RBPMS: variants seen among roughly 807,000 people sequenced by gnomAD.
The protein encoded by RBPMS is RNA-binding protein with multiple splicing.
In RBPMS, 7 loss-of-function variants were observed where a neutral mutation model predicts 26.8. The observed-to-expected ratio is 0.26, with a 90% CI of 0.15 to 0.49. RBPMS has a LOEUF of 0.49. RBPMS is among the 20% of genes least tolerant of loss of function. RBPMS has a pLI of 0.98. For synonymous variants in RBPMS, 96 were observed against 93.3 expected (o/e 1.03, Z -0.17); for missense variants, 186 against 250.0 (o/e 0.74, Z 1.73).
At chr8:30,424,361 A>G (rs1383146461) in intron 1 of RBPMS, among the ~76,000 whole-genome samples, 1 of 152,236 alleles carries the variant, frequency 6.6e-6, no homozygotes, top group African/African-American at 2.4e-5. Context: ...CCTCAATAGA[A>G]TGTAAATAGG....
At chr8:30,569,745 G>A (rs546365252) in intron 8 of RBPMS, among the ~76,000 whole-genome samples, 1 of 152,326 alleles carries the variant, frequency 6.6e-6, no homozygotes, top group South Asian at 2.1e-4. Flanking sequence ...AAGAGGACAG[G>A]AAATGAGGTC....
intron 6 of RBPMS, chr8:30,556,165 G>C (rs1826887665): frequency 1.0e-6 from 1 of 985,400 alleles, no homozygotes; most frequent in Middle Eastern, 5.2e-4. Flanking sequence ...TGAATTCAGG[G>C]GTCTGTGTGT....
chr8:30,495,908 C>G (rs547129115), intron 4 of RBPMS, among the ~76,000 whole-genome samples: 1 of 152,296 alleles, frequency 6.6e-6, no homozygotes, highest in East Asian at 1.9e-4. Context: ...ACTGTAATGT[C>G]CTCACACACA....
At chr8:30,455,577 G>A (rs1815102479) in intron 1 of RBPMS, among the ~76,000 whole-genome samples, 1 of 152,134 alleles carries the variant, frequency 6.6e-6, no homozygotes, top group Non-Finnish European at 1.5e-5. Flanking sequence ...GCCTTCTCTG[G>A]AAGTAAAGAA....
At chr8:30,507,383 A>T (rs1411602417) in intron 5 of RBPMS, among the ~76,000 whole-genome samples, 2 of 152,230 alleles carry the variant, frequency 1.3e-5, no homozygotes, top group African/African-American at 4.8e-5. Context: ...AGTGTATGTA[A>T]AGTACTAGGC....
intron 1 of RBPMS, among the ~76,000 whole-genome samples, chr8:30,438,707 C>T (rs1425303091): frequency 1.3e-5 from 2 of 152,030 alleles, no homozygotes; most frequent in Admixed American, 6.6e-5. Context: ...GCTTGATGTC[C>T]CATGATTTTT....
chr8:30,459,008 A>G lies in RBPMS; in HGVS notation c.67-15771A>G, dbSNP rs570820357. Among the ~76,000 whole-genome samples the G allele has an allele frequency of 2.7e-5, 4 of 149,016 alleles. No individual in the cohort carries two copies. The East Asian group carries it at 7.9e-4, about 29-fold the overall frequency. ...GACGGAGTCTCACTCTTGTCACCCA[A>G]GCTGGGGTGCAGTGGCACGATCTCC... is the stretch of plus-strand genomic sequence containing the variant. On this transcript the variant is annotated intron_variant, in intron 1 of 8. Coordinates refer to ENST00000397323, the MANE Select transcript of RBPMS (RefSeq NM_001008710.3).
chr8:30,458,963 CTTT>C (rs1243285803), intron 1 of RBPMS, among the ~76,000 whole-genome samples: 2 of 134,072 alleles, frequency 1.5e-5, no homozygotes, highest in Non-Finnish European at 3.2e-5. Context: ...AGCATGTTGG[CTTT>C]TTTTTTTTTT....
intron 5 of RBPMS, among the ~76,000 whole-genome samples, chr8:30,529,215 C>T (rs1823928685): frequency 6.7e-6 from 1 of 148,602 alleles, no homozygotes; most frequent in African/African-American, 2.5e-5. Context: ...GATTCTGTCT[C>T]AAGGAAAAAA....
chr8:30,488,113 TC>T (rs1353848239), intron 4 of RBPMS, among the ~76,000 whole-genome samples: 5 of 152,208 alleles, frequency 3.3e-5, no homozygotes, highest in Admixed American at 2.0e-4. Flanking sequence ...ATCTGGTTTC[TC>T]CTTTATTTGC....
At chr8:30,464,990 T>C (rs1312807782) in intron 1 of RBPMS, among the ~76,000 whole-genome samples, 4 of 152,204 alleles carry the variant, frequency 2.6e-5, no homozygotes, top group Admixed American at 1.3e-4. Context: ...GTTTTAGCAG[T>C]GTATGCAGTG....
At chr8:30,461,302 A>G (rs576749302) in intron 1 of RBPMS, among the ~76,000 whole-genome samples, 59 of 152,296 alleles carry the variant, frequency 3.9e-4, no homozygotes, top group Middle Eastern at 3.4e-3. Flanking sequence ...TTTCTTCAAC[A>G]TTTTTAAATA....
chr8:30,391,014 C>T (rs1167924509), intron 1 of RBPMS, among the ~76,000 whole-genome samples: 5 of 152,274 alleles, frequency 3.3e-5, no homozygotes, highest in South Asian at 2.1e-4. Flanking sequence ...GTGGATGGAT[C>T]GGCTGGAAAA....
intron 1 of RBPMS, among the ~76,000 whole-genome samples, chr8:30,422,944 A>C (rs1810962021): frequency 1.3e-5 from 2 of 152,224 alleles, no homozygotes; most frequent in Admixed American, 1.3e-4. Flanking sequence ...GAAACAGGGA[A>C]TTCTATGATC....
chr8:30,556,272 C>T (rs1020377460), intron 6 of RBPMS: 3 of 985,460 alleles, frequency 3.0e-6, no homozygotes, highest in Non-Finnish European at 2.4e-6. Context: ...CTGGACCCCA[C>T]AGCTCGGAAC....
At chr8:30,500,373 T>C (rs899975934) in intron 4 of RBPMS, among the ~76,000 whole-genome samples, 3 of 150,980 alleles carry the variant, frequency 2.0e-5, no homozygotes, top group Admixed American at 6.6e-5. Context: ...AATCTAGCCA[T>C]GGACATCTTT....
At position 30,510,059 on chromosome 8, in the gene RBPMS, G is replaced by T. The variant is rs1318834854; in HGVS notation, c.397+5623G>T. Among the ~76,000 whole-genome samples, 2 of 152,188 alleles carry T rather than the reference G, an allele frequency of 1.3e-5. 1 individual carries two copies. The highest frequency in any genetic ancestry group is 4.1e-4 in the South Asian group (2 of 4,828). On this transcript the variant is annotated intron_variant, in intron 5 of 8. Coordinates refer to ENST00000397323, the MANE Select transcript of RBPMS (RefSeq NM_001008710.3). ...TCTTTAGGACAAAGTTTTGCTGCAA[G>T]TGAGACTAAGTGGCTCAGTAGGGCC...
chr8:30,564,852 C>T, intron 7 of RBPMS: 2 of 151,582 alleles, frequency 1.3e-5, no homozygotes, highest in Non-Finnish European at 2.9e-5. Flanking sequence ...CCCGGGGGTG[C>T]AGACAACTGT....
In RBPMS at chr8:30,526,237, A is replaced by G. The variant is rs541230963; in HGVS notation, c.398-18257A>G. On this transcript the variant is annotated intron_variant, in intron 5 of 8. Coordinates refer to ENST00000397323, the MANE Select transcript of RBPMS (RefSeq NM_001008710.3). ...GGAGTCCAAACAGAGTCCATCATGT[A>G]TTCGCTTTGCCTTCAGGCTTTTTGC... Among the ~76,000 whole-genome samples the G allele has an allele frequency of 7.9e-5, 12 of 152,350 alleles. No homozygotes were observed. In the East Asian group the frequency reaches 1.4e-3, roughly 17 times the overall value.
Sources: allele counts gnomAD v4.1 joint callset (sites outside exome capture counted in the v4.1 genomes callset), GRCh38; gene constraint gnomAD v4.1.1; transcripts MANE v1.5; gene names NCBI Gene and HGNC (gene_info 2026-07-23, HGNC 2026-07-21).